Variants in NEGR1 observed in about 807,000 individuals in gnomAD.
The protein encoded by NEGR1 is IgLON family member 4.
In NEGR1, 10 loss-of-function variants were observed where a neutral mutation model predicts 40.9. That is an observed-to-expected ratio of 0.24 (90% CI 0.15 to 0.42). The LOEUF (loss-of-function observed/expected upper bound fraction) is 0.42, where lower values mean the gene tolerates loss of function less well. NEGR1 is among the 10% of genes least tolerant of loss of function. NEGR1 has a pLI of 1.00. For missense variants in NEGR1, 352 were observed against 438.9 expected (o/e 0.80, Z 1.77); for synonymous variants, 185 against 166.8 (o/e 1.11, Z -0.84).
chr1:71,701,916 A>G (rs1224355803), intron 3 of NEGR1, among the ~76,000 whole-genome samples: 1 of 152,208 alleles, frequency 6.6e-6, no homozygotes, highest in Admixed American at 6.6e-5. Context: ...CTATACCACA[A>G]ATCTATCAAG....
At chr1:71,767,133 A>G (rs1048766149) in intron 3 of NEGR1, among the ~76,000 whole-genome samples, 5 of 152,194 alleles carry the variant, frequency 3.3e-5, no homozygotes, top group African/African-American at 1.2e-4. Flanking sequence ...AAGATACCTG[A>G]AAATGTAGAA....
chr1:71,663,132 T>G (rs1652124885), intron 4 of NEGR1, among the ~76,000 whole-genome samples: 1 of 152,008 alleles, frequency 6.6e-6, no homozygotes, highest in Admixed American at 6.5e-5. Context: ...AATTTTTTTG[T>G]ATTTTTAGTA....
intron 5 of NEGR1, among the ~76,000 whole-genome samples, chr1:71,609,514 CAAAAAAAAAAAAAAAAAAAAA>C (rs61728217): frequency 0.035 from 846 of 24,060 alleles, 12 homozygotes; most frequent in African/African-American, 0.081. Context: ...GACTCCGTCT[CAAAAAAAAAAAAAAAAAAAAA>C]AAAAAAAAAA....
At chr1:71,418,434 C>A (rs989043635) in intron 6 of NEGR1, among the ~76,000 whole-genome samples, 4 of 151,992 alleles carry the variant, frequency 2.6e-5, no homozygotes, top group Non-Finnish European at 5.9e-5. Flanking sequence ...CTGCCTCAGC[C>A]TCTCGAGTAG....
intron 1 of NEGR1, among the ~76,000 whole-genome samples, chr1:72,187,480 A>C (rs1227438917): frequency 6.6e-6 from 1 of 151,464 alleles, no homozygotes; most frequent in Non-Finnish European, 1.5e-5. Flanking sequence ...CTCATAACAG[A>C]TCACTGAAAA....
At chr1:71,597,472 C>CTGTGTGTGTGTGTGTGTGTGTGTGTG (rs1553152644) in intron 5 of NEGR1, among the ~76,000 whole-genome samples, 5 of 31,334 alleles carry the variant, frequency 1.6e-4, no homozygotes, top group African/African-American at 5.0e-4. Flanking sequence ...CTCTCTCTCT[C>CTGTGTGTGTGTGTGTGTGTGTGTGTG]TGTGTGTGTG....
chr1:71,534,994 T>C (rs973074104), intron 6 of NEGR1, among the ~76,000 whole-genome samples: 1 of 151,660 alleles, frequency 6.6e-6, no homozygotes, highest in Non-Finnish European at 1.5e-5. Flanking sequence ...TTTGTGACTA[T>C]TATACTTTTA....
At chr1:71,868,917 G>A (rs1013527107) in intron 2 of NEGR1, among the ~76,000 whole-genome samples, 1 of 151,916 alleles carries the variant, frequency 6.6e-6, no homozygotes, top group African/African-American at 2.4e-5. Context: ...CTGGAAAACA[G>A]GCCCTTCATC....
intron 4 of NEGR1, among the ~76,000 whole-genome samples, chr1:71,669,062 T>G (rs1007059594): frequency 2.0e-5 from 3 of 152,210 alleles, no homozygotes; most frequent in African/African-American, 7.2e-5. Flanking sequence ...TATTGCAATG[T>G]TGTGTAATTG....
At chr1:71,790,818 C>T (rs1336466724) in intron 2 of NEGR1, among the ~76,000 whole-genome samples, 2 of 152,006 alleles carry the variant, frequency 1.3e-5, no homozygotes, top group South Asian at 2.1e-4. Flanking sequence ...TGAGTATTTG[C>T]TGCACTACAT....
intron 6 of NEGR1, among the ~76,000 whole-genome samples, chr1:71,559,431 A>T (rs1032505208): frequency 6.6e-6 from 1 of 151,558 alleles, no homozygotes; most frequent in African/African-American, 2.4e-5. Flanking sequence ...TTACACAGTT[A>T]GATTCATTTC....
At chr1:72,205,044 G>A (rs1050125595) in intron 1 of NEGR1, among the ~76,000 whole-genome samples, 1 of 151,952 alleles carries the variant, frequency 6.6e-6, no homozygotes, top group East Asian at 1.9e-4. Context: ...GTGCTTAGAG[G>A]TATGAAAAAC....
intron 3 of NEGR1, among the ~76,000 whole-genome samples, chr1:71,703,687 C>A (rs1653780672): frequency 6.6e-6 from 1 of 150,910 alleles, no homozygotes; most frequent in Admixed American, 6.6e-5. Flanking sequence ...TATTAAACAC[C>A]AAAGAAAAAA....
intron 6 of NEGR1, among the ~76,000 whole-genome samples, chr1:71,457,778 T>C (rs1646684145): frequency 6.6e-6 from 1 of 152,180 alleles, no homozygotes; most frequent in Admixed American, 6.5e-5. Context: ...CTCGGCTCAC[T>C]GCAAGCTCCG....
rs559071414 is a variant in NEGR1, at chr1:71,762,756, G to A, written c.535+13416C>T. ...CTTACATGTAAGTGTACACTCAAAG[G>A]ACATTCTATAAATGACAAAATTACA... On this transcript the variant is annotated intron_variant, in intron 3 of 6. Transcript: ENST00000357731. 2.6e-5 allele frequency among the ~76,000 whole-genome samples: 4 copies of A among 152,102 alleles called. No individual in the cohort carries two copies. The East Asian group carries it at 5.8e-4, about 22-fold the overall frequency.
intron 1 of NEGR1, among the ~76,000 whole-genome samples, chr1:72,181,894 G>A (rs1373267115): frequency 6.6e-6 from 1 of 152,066 alleles, no homozygotes; most frequent in African/African-American, 2.4e-5. Context: ...AAGGACAGAG[G>A]GGAGAAAATA....
intron 1 of NEGR1, among the ~76,000 whole-genome samples, chr1:72,236,269 C>A (rs770063686): frequency 1.3e-5 from 2 of 151,834 alleles, no homozygotes; most frequent in Non-Finnish European, 2.9e-5. Flanking sequence ...ACATCACACA[C>A]TGGGGACTTT....
chr1:71,936,463 G>T (rs749212486), intron 1 of NEGR1, among the ~76,000 whole-genome samples: 3 of 152,158 alleles, frequency 2.0e-5, no homozygotes, highest in Non-Finnish European at 4.4e-5. Context: ...CAGGATGCAT[G>T]AGAGATCAAA....
intron 1 of NEGR1, among the ~76,000 whole-genome samples, chr1:72,198,341 G>A (rs570185131): frequency 1.3e-5 from 2 of 151,972 alleles, no homozygotes; most frequent in Non-Finnish European, 2.9e-5. Flanking sequence ...GACATGAGAT[G>A]TAATATGGGA....
Sources: gnomAD v4.1 joint callset for allele counts (sites outside exome capture counted in the v4.1 genomes callset) on GRCh38, gnomAD v4.1.1 for gene constraint, MANE v1.5 for transcripts, NCBI Gene and HGNC (gene_info 2026-07-23, HGNC 2026-07-21) for gene names.